The following TP73 variants were observed in gnomAD, a reference collection of about 807,000 sequenced individuals.
TP73 encodes the protein p53-like transcription factor.
TP73 carries 25 observed loss-of-function variants against 62.5 expected under a neutral mutation model. The observed-to-expected ratio is 0.40, with a 90% confidence interval of 0.29 to 0.56. The LOEUF (loss-of-function observed/expected upper bound fraction) is 0.56. TP73 is among the 20% of genes least tolerant of loss of function. The probability of loss-of-function intolerance (pLI) is 0.46; values close to 1 mark genes in which losing one functional copy is unlikely to be tolerated. For missense variants in TP73, 754 were observed against 913.3 expected (o/e 0.83, Z 2.25); for synonymous variants, 423 against 377.5 (o/e 1.12, Z -1.40).
intron 6 of TP73, among the ~76,000 whole-genome samples, chr1:3,725,622 T>G: frequency 9.1e-6 from 1 of 109,842 alleles, no homozygotes; most frequent in Non-Finnish European, 1.8e-5. Flanking sequence ...GGATGTTGAA[T>G]GGATGGGTGG....
intron 4 of TP73, among the ~76,000 whole-genome samples, chr1:3,717,431 C>T (rs2124453730): frequency 6.6e-6 from 1 of 152,366 alleles, no homozygotes; most frequent in East Asian, 1.9e-4. Context: ...TGCACGCACC[C>T]TGGGCAGGCA....
chr1:3,732,709 C>T (rs758795029), intron 13 of TP73, 38 bp from the exon 14 acceptor site: 13 of 1,530,950 alleles, frequency 8.5e-6, no homozygotes, highest in South Asian at 5.0e-5. Flanking sequence ...TCTCCCTGCT[C>T]CACTGCCCCC....
intron 13 of TP73, among the ~76,000 whole-genome samples, 200 bp from the exon 14 acceptor site, chr1:3,732,547 A>C (rs1303483185): frequency 1.3e-5 from 2 of 150,200 alleles, no homozygotes; most frequent in Non-Finnish European, 1.5e-5. Context: ...CTCCATGTCT[A>C]ACACTCCCAG....
intron 1 of TP73, among the ~76,000 whole-genome samples, chr1:3,681,394 G>A (rs1166751183): frequency 6.6e-6 from 1 of 152,212 alleles, no homozygotes; most frequent in Admixed American, 6.5e-5. Context: ...CCCCAGCTGT[G>A]CTCTGCCTGG....
At chr1:3,723,044 TGGCATGCAGCTG>T (rs1354157300) in intron 5 of TP73, among the ~76,000 whole-genome samples, 5 of 148,314 alleles carry the variant, frequency 3.4e-5, no homozygotes, top group Admixed American at 6.7e-5. Context: ...TCTCTGCACC[TGGCATGCAGCTG>T]GGCACCTCTC....
intron 1 of TP73, among the ~76,000 whole-genome samples, chr1:3,671,344 G>C (rs547248254): frequency 6.6e-6 from 1 of 152,192 alleles, no homozygotes; most frequent in Non-Finnish European, 1.5e-5. Flanking sequence ...TCCAGTTGCT[G>C]TTCCTGCCTC....
Position 3,696,020 on chromosome 1 carries a change from G to A in TP73, c.187-11529G>A, listed in dbSNP as rs1638623894. On this transcript the variant is annotated intron_variant, in intron 3 of 13. Transcript: ENST00000378295. The surrounding 1 kb of genome is among the most constrained non-coding windows in gnomAD (Gnocchi z 4.1). ...AAACGCCGCGGTCGGCCGTGGCTGTGTTGGAGATGCCCGGCAGCCATTGCA... is the reference window on the plus strand; with the variant it reads ...AAACGCCGCGGTCGGCCGTGGCTGTATTGGAGATGCCCGGCAGCCATTGCA... 6.6e-6 allele frequency among the ~76,000 whole-genome samples: 1 copy of A among 152,242 alleles called. No individual in the cohort carries two copies. The highest frequency in any genetic ancestry group is 1.5e-5 in the Non-Finnish European group (1 of 68,044).
At position 3,663,155 on chromosome 1, in the gene TP73, G is replaced by A. The variant is rs1645033577; in HGVS notation, c.-34+10514G>A. Reference sequence around the variant, plus strand: ...GCTGCAGGCCGGGCCACCCATGCCTGAGGGGAGAAGGGGCCTCTCTTCTTC... The same window carrying A: ...GCTGCAGGCCGGGCCACCCATGCCTAAGGGGAGAAGGGGCCTCTCTTCTTC... On this transcript the variant is annotated intron_variant, in intron 1 of 13. Coordinates refer to ENST00000378295, the MANE Select transcript of TP73 (RefSeq NM_005427.4). This position sits in a 1 kb window ranked among gnomAD's most constrained non-coding sequence, Gnocchi z 4.7. Among the ~76,000 whole-genome samples the A allele has an allele frequency of 6.6e-6, 1 of 152,148 alleles. No individual in the cohort carries two copies. Among genetic ancestry groups the A allele is most frequent in the Non-Finnish European group, 1.5e-5 (1 of 68,020 alleles).
At chr1:3,715,703 T>C (rs1393694707) in intron 4 of TP73, among the ~76,000 whole-genome samples, 2 of 152,142 alleles carry the variant, frequency 1.3e-5, no homozygotes, top group Non-Finnish European at 2.9e-5. Flanking sequence ...GCAGACACCT[T>C]GGGCAAACGC....
At position 3,678,509 on chromosome 1, in the gene TP73, G is replaced by C. The variant is rs112131442; in HGVS notation, c.-33-3824G>C. 2.5e-3 allele frequency among the ~76,000 whole-genome samples: 384 copies of C among 152,370 alleles called. 2 individuals are homozygous for C. The highest frequency in any genetic ancestry group is 9.0e-3 in the African/African-American group (375 of 41,590). ...GAGCAGTGTTCCTGTGGGGCCCTGG[G>C]ACCAATGCTACCAGCGTTGGCGTTT... On this transcript the variant is annotated intron_variant, in intron 1 of 13. Transcript: ENST00000378295.
chr1:3,732,446 T>TA (rs1642204169), intron 13 of TP73, among the ~76,000 whole-genome samples: 2 of 150,256 alleles, frequency 1.3e-5, no homozygotes, highest in South Asian at 4.2e-4. Context: ...GGGGGTCCAC[T>TA]CCAGGGGGCA....
intron 3 of TP73, among the ~76,000 whole-genome samples, chr1:3,693,641 C>T (rs557790222): frequency 3.3e-5 from 5 of 152,198 alleles, no homozygotes; most frequent in Non-Finnish European, 5.9e-5. Context: ...CAGATGGGGA[C>T]GCAGGGGGGC....
intron 1 of TP73, among the ~76,000 whole-genome samples, chr1:3,664,164 C>T (rs1375011336): frequency 6.6e-6 from 1 of 152,236 alleles, no homozygotes; most frequent in Non-Finnish European, 1.5e-5. Flanking sequence ...GGCCCCTGGG[C>T]ATCGCGACTC....
chr1:3,665,665 T>C (rs1645095119), intron 1 of TP73, among the ~76,000 whole-genome samples: 1 of 151,232 alleles, frequency 6.6e-6, no homozygotes, highest in Non-Finnish European at 1.5e-5. Flanking sequence ...TTCTTTTTTT[T>C]TTTTTTTTAG....
chr1:3,656,033 C>T (rs1346811712), intron 1 of TP73, among the ~76,000 whole-genome samples: 15 of 152,108 alleles, frequency 9.9e-5, no homozygotes, highest in Admixed American at 6.6e-4. Flanking sequence ...AAAAATTAGT[C>T]GGGCGTGGTG....
intron 3 of TP73, chr1:3,697,912 C>A: frequency 5.4e-6 from 1 of 185,652 alleles, no homozygotes; most frequent in Non-Finnish European, 1.0e-5. Flanking sequence ...TGGGCTCCTG[C>A]TCCAATGTCC....
rs1021110371 is a variant in TP73, at chr1:3,720,430, A to C, written c.430-1591A>C. On this transcript the variant is annotated intron_variant, in intron 4 of 13. Coordinates refer to ENST00000378295, the MANE Select transcript of TP73 (RefSeq NM_005427.4). ...GGAGGGGCCAGCTCTTTGGTATCCA[A>C]TTCCCATCCTGAGGAGGCCACTGAA... is the stretch of plus-strand genomic sequence containing the variant. Among the ~76,000 whole-genome samples the C allele has an allele frequency of 5.9e-5, 9 of 152,218 alleles. No homozygotes were observed. The East Asian group carries it at 1.7e-3, about 30-fold the overall frequency.
At chr1:3,691,871 G>A (rs1470206492) in intron 3 of TP73, among the ~76,000 whole-genome samples, 4 of 152,228 alleles carry the variant, frequency 2.6e-5, no homozygotes, top group South Asian at 2.1e-4. Flanking sequence ...AAGATCTGGG[G>A]ACGGAGGCCT....
intron 3 of TP73, among the ~76,000 whole-genome samples, chr1:3,705,337 G>A (rs1327934094): frequency 1.3e-5 from 2 of 152,270 alleles, no homozygotes; most frequent in African/African-American, 4.8e-5. Flanking sequence ...TCCTGGGAAG[G>A]ACCTGTGGTG....
Sources: allele counts gnomAD v4.1 joint callset (sites outside exome capture counted in the v4.1 genomes callset), GRCh38; gene constraint gnomAD v4.1.1; non-coding constraint Gnocchi (gnomAD v3.1); transcripts MANE v1.5; gene names NCBI Gene and HGNC (gene_info 2026-07-23, HGNC 2026-07-21).